Variants in C9orf72 observed in about 807,000 individuals in gnomAD.
The protein encoded by C9orf72 is C9orf72-SMCR8 complex subunit.
In C9orf72, 44 loss-of-function variants were observed where a neutral mutation model predicts 51.6. The observed-to-expected ratio is 0.85, with a 90% CI of 0.67 to 1.10. The LOEUF is 1.10. C9orf72 is among the 50% of genes least tolerant of loss of function. The probability of loss-of-function intolerance (pLI) is 0.00; values close to 1 mark genes in which losing one functional copy is unlikely to be tolerated. For missense variants in C9orf72, 607 were observed against 570.6 expected (o/e 1.06, Z -0.65); for synonymous variants, 213 against 194.2 (o/e 1.10, Z -0.81).
intron 3 of C9orf72, among the ~76,000 whole-genome samples, chr9:27,563,607 C>T (rs1819400596): frequency 6.6e-6 from 1 of 151,938 alleles, no homozygotes. Flanking sequence ...TTTGTCAGAC[C>T]CAGGGCCATT....
intron 8 of C9orf72, among the ~76,000 whole-genome samples, chr9:27,553,851 C>CA (rs1820956898): frequency 6.6e-6 from 1 of 151,884 alleles, no homozygotes; most frequent in Admixed American, 6.6e-5. Context: ...AATTAACAAG[C>CA]AAAAAACAAC....
intron 2 of C9orf72, 115 bp from the exon 3 acceptor site, chr9:27,565,705 C>T (rs1471665814): frequency 4.5e-6 from 3 of 667,972 alleles, no homozygotes; most frequent in Non-Finnish European, 7.7e-6. Flanking sequence ...ATACTTTCTA[C>T]TTTAGGGAAA....
intron 1 of C9orf72, among the ~76,000 whole-genome samples, chr9:27,568,498 C>G (rs1264248489): frequency 6.6e-6 from 1 of 152,156 alleles, no homozygotes; most frequent in African/African-American, 2.4e-5. Flanking sequence ...CATCTTAATC[C>G]ACATAAACAT....
chr9:27,572,990 G>C (rs1007034733), intron 1 of C9orf72, among the ~76,000 whole-genome samples: 17 of 152,158 alleles, frequency 1.1e-4, no homozygotes, highest in African/African-American at 4.1e-4. Context: ...CTCGCCGGCA[G>C]GGACCGTCTC....
chr9:27,558,425 G>T, intron 7 of C9orf72, 66 bp downstream of exon 7: 1 of 847,510 alleles, frequency 1.2e-6, no homozygotes. Flanking sequence ...TTTAAGATTT[G>T]TCTATAAAGA....
At chr9:27,560,970 C>G (rs1475581927) in intron 5 of C9orf72, 1 of 195,298 alleles carries the variant, frequency 5.1e-6, no homozygotes, top group Non-Finnish European at 9.3e-6. Flanking sequence ...TAGCTATGAG[C>G]TATTATTAAG....
intron 7 of C9orf72, among the ~76,000 whole-genome samples, 187 bp from the exon 8 acceptor site, chr9:27,556,983 A>G (rs1417983673): frequency 6.6e-6 from 1 of 152,222 alleles, no homozygotes; most frequent in East Asian, 1.9e-4. Context: ...TTTCAATAGC[A>G]AAACATCAGA....
chr9:27,558,237 A>C (rs1161424477), intron 7 of C9orf72, among the ~76,000 whole-genome samples: 1 of 151,656 alleles, frequency 6.6e-6, no homozygotes, highest in African/African-American at 2.4e-5. Context: ...TTAAAAAAAA[A>C]AAAGTCCTGA....
chr9:27,550,842 T>A, intron 8 of C9orf72, 135 bp from the exon 9 acceptor site: 1 of 502,798 alleles, frequency 2.0e-6, no homozygotes, highest in South Asian at 3.2e-5. Context: ...TAAACACATT[T>A]GTAAGAATAT....
At position 27,567,115 on chromosome 9, in the gene C9orf72, C is replaced by A. The variant is rs138028443; in HGVS notation, c.6G>T (p.Ser2=). 1.2e-6 allele frequency: 2 copies of A among 1,612,176 alleles called. No individual in the cohort carries two copies. Among genetic ancestry groups the A allele is most frequent in the Non-Finnish European group, 1.7e-6 (2 of 1,178,930 alleles). The part of the protein sequence containing the change: M[S]TLCPPPSPAV... ...CTGGAGATGGCGGTGGGCAAAGAGT[C>A]GACATCACTGCATTCCAACTGTCAC... The change falls in exon 2 of 11, where the codon TCG becomes TCT. Residue 2 remains serine (S), a synonymous_variant. Coordinates refer to ENST00000380003, the MANE Select transcript of C9orf72 (RefSeq NM_018325.5).
At chr9:27,558,634 A>C (rs1450292316) in intron 6 of C9orf72, 27 bp from the exon 7 acceptor site, 1 of 1,240,646 alleles carries the variant, frequency 8.1e-7, no homozygotes, top group Non-Finnish European at 1.1e-6. Flanking sequence ...TTTAGCATTA[A>C]AACATGAAGT....
chr9:27,566,815 G>A lies in C9orf72; in HGVS notation c.306C>T (p.Asn102=). The A allele has an allele frequency of 6.2e-7, 1 of 1,613,932 alleles. No individual in the cohort carries two copies. Residue 102 remains asparagine, a synonymous_variant, in exon 2 of 11, where the codon AAC becomes AAT. Transcript: ENST00000380003. Reference sequence around the variant, plus strand: ...CATATGTGCTGCGATCCCCATTCCAGTTTCCATCAAAGATTAATGAAACAA... The same window carrying A: ...CATATGTGCTGCGATCCCCATTCCAATTTCCATCAAAGATTAATGAAACAA... ...VIIVSLIFDG[N]WNGDRSTYGL... is the part of the protein sequence containing the mutation.
chr9:27,565,593 G>A lies in C9orf72; in HGVS notation c.445-3C>T. On this transcript the variant is annotated splice_region_variant and splice_polypyrimidine_tract_variant and intron_variant, in intron 2 of 10. Transcript: ENST00000380003. ...TTCTGGACATTTTCTTGTCTTTCCT[G>A]AGCAAGAGAAAATTTATTTAAAAAA... is the stretch of plus-strand genomic sequence containing the variant. The A allele has an allele frequency of 6.3e-7, 1 of 1,588,436 alleles. No homozygotes were observed. Among genetic ancestry groups the A allele is most frequent in the Non-Finnish European group, 8.6e-7 (1 of 1,162,168 alleles).
At position 27,546,635 on chromosome 9, in the gene C9orf72, T is replaced by C. The variant is rs1362715965; in HGVS notation, c.*1601A>G. On this transcript the variant is annotated 3_prime_UTR_variant, in exon 11 of 11. Transcript: ENST00000380003. ...CACATGCTTTAATAACTTATTTCACTGTACAACTTACATTCTGTATAACAG... is the reference window on the plus strand; with the variant it reads ...CACATGCTTTAATAACTTATTTCACCGTACAACTTACATTCTGTATAACAG... The C allele has an allele frequency of 6.6e-6, 1 of 152,190 alleles. No individual in the cohort carries two copies. The highest frequency in any genetic ancestry group is 1.5e-5 in the Non-Finnish European group (1 of 68,016). 9.4% of individuals were successfully genotyped at this position (152,190 alleles called of 1,614,324 possible). A position where few individuals can be genotyped will look rare whatever the true frequency, so the allele number is the denominator to read the frequency against.
At position 27,558,491 on chromosome 9, in the gene C9orf72, C is replaced by A. The variant is rs1478356753; in HGVS notation, c.855G>T (p.Lys285Asn). Residue 285 changes from lysine (K) to asparagine (N), a missense_variant and splice_region_variant, in exon 7 of 11, where the codon AAG (lysine) becomes AAT (asparagine). Physicochemically the swap from Lys to Asn is moderately conservative, Grantham distance 94. Transcript: ENST00000380003. ...ESGLFVQGLL[K>N]DSTGSFVLPF... Reference sequence around the variant, plus strand: ...CACTTGTGATAACTAGAAACTATACCTTTAGCAGGCCTTGTACAAAGAGCC... The same window carrying A: ...CACTTGTGATAACTAGAAACTATACATTTAGCAGGCCTTGTACAAAGAGCC... 1.3e-6 allele frequency: 2 copies of A among 1,521,634 alleles called. No homozygotes were observed. 94.3% of individuals were successfully genotyped at this position (1,521,634 alleles called of 1,614,324 possible).
chr9:27,554,330 C>T (rs992880285), intron 8 of C9orf72, among the ~76,000 whole-genome samples: 2 of 152,142 alleles, frequency 1.3e-5, no homozygotes, highest in East Asian at 3.8e-4. Flanking sequence ...GAATACTATG[C>T]AGCCATAAAA....
At position 27,561,572 on chromosome 9, in the gene C9orf72, G is replaced by C. The variant is rs770623181; in HGVS notation, c.665+13C>G. Reference sequence around the variant, plus strand: ...CTGCTTCATCCAGCTTTTATGAAAAGAAAAATTCTTACTTGAGAAGAAAGC... The same window carrying C: ...CTGCTTCATCCAGCTTTTATGAAAACAAAAATTCTTACTTGAGAAGAAAGC... On this transcript the variant is annotated intron_variant, in intron 5 of 10. Transcript: ENST00000380003. The C allele has an allele frequency of 1.2e-6, 2 of 1,611,446 alleles. No homozygotes were observed. The highest frequency in any genetic ancestry group is 1.7e-6 in the Non-Finnish European group (2 of 1,178,694).
intron 9 of C9orf72, among the ~76,000 whole-genome samples, chr9:27,549,185 G>A (rs936903708): frequency 1.3e-5 from 2 of 152,194 alleles, no homozygotes; most frequent in Admixed American, 6.5e-5. Flanking sequence ...CTTTAAAAAT[G>A]CATTCAAATT....
At chr9:27,571,534 T>C (rs1819586554) in intron 1 of C9orf72, among the ~76,000 whole-genome samples, 1 of 152,122 alleles carries the variant, frequency 6.6e-6, no homozygotes, top group Non-Finnish European at 1.5e-5. Context: ...TAGCTCTCGG[T>C]AACTTCAAAC....
Sources: allele counts gnomAD v4.1 joint callset (sites outside exome capture counted in the v4.1 genomes callset), GRCh38; gene constraint gnomAD v4.1.1; transcripts MANE v1.5; gene names NCBI Gene and HGNC (gene_info 2026-07-23, HGNC 2026-07-21).